The following SLMAP variants were observed in gnomAD, a reference collection of about 807,000 sequenced individuals.
SLMAP encodes sarcolemma associated protein.
SLMAP carries 44 observed loss-of-function variants against 128.8 expected under a neutral mutation model. The observed-to-expected ratio is 0.34, with a 90% CI of 0.27 to 0.44. SLMAP has a LOEUF of 0.44. Among genes scored for constraint, SLMAP ranks in the 20% least tolerant of loss-of-function variants. SLMAP has a pLI of 1.00. For synonymous variants in SLMAP, 327 were observed against 348.8 expected, an observed-to-expected ratio of 0.94 and a Z score of 0.70; for missense variants, 787 against 985.3, an observed-to-expected ratio of 0.80 and a Z score of 2.69.
chr3:57,820,310 G>A (rs560023935), intron 2 of SLMAP, among the ~76,000 whole-genome samples: 58 of 152,136 alleles, frequency 3.8e-4, no homozygotes, highest in African/African-American at 1.3e-3. Context: ...ACTTTTTGAT[G>A]TCTAAAAGAT....
At chr3:57,891,455 TATC>T (rs1280726365) in intron 15 of SLMAP, among the ~76,000 whole-genome samples, 1 of 152,226 alleles carries the variant, frequency 6.6e-6, no homozygotes, top group Non-Finnish European at 1.5e-5. Flanking sequence ...GTAATTAGAA[TATC>T]ATCACTTTAA....
At chr3:57,911,629 C>T (rs2096700741) in intron 19 of SLMAP, among the ~76,000 whole-genome samples, 1 of 151,952 alleles carries the variant, frequency 6.6e-6, no homozygotes, top group African/African-American at 2.4e-5. Context: ...ATCCCCAATA[C>T]CTGACAGCTG....
At position 57,808,321 on chromosome 3, in the gene SLMAP, G is replaced by A. The variant is rs573135481; in HGVS notation, c.199-23062G>A. Among the ~76,000 whole-genome samples, 156 of 151,880 alleles carry A rather than the reference G, an allele frequency of 1.0e-3. 1 individual carries two copies. Among genetic ancestry groups the A allele is most frequent in the Admixed American group, 3.1e-3 (47 of 15,248 alleles). On this transcript the variant is annotated intron_variant, in intron 2 of 24. Coordinates refer to ENST00000671191, the MANE Select transcript of SLMAP (RefSeq NM_001377540.1). ...CTAGCTTTTGGATTTGTTTACTCTT[G>A]CTTCTCTAGCTCTTTTAATTGTGAT... is the stretch of plus-strand genomic sequence containing the variant.
chr3:57,797,538 A>G (rs1401736339), intron 2 of SLMAP, among the ~76,000 whole-genome samples: 1 of 151,734 alleles, frequency 6.6e-6, no homozygotes, highest in African/African-American at 2.4e-5. Flanking sequence ...CGTGTAATGC[A>G]TATAAAGCAA....
chr3:57,902,430 G>A (rs1189167273), intron 17 of SLMAP, among the ~76,000 whole-genome samples: 1 of 152,192 alleles, frequency 6.6e-6, no homozygotes, highest in Non-Finnish European at 1.5e-5. Context: ...TGTTTTGTAA[G>A]ATAGAGTGAT....
At chr3:57,796,106 T>G (rs181269812) in intron 2 of SLMAP, among the ~76,000 whole-genome samples, 22 of 152,324 alleles carry the variant, frequency 1.4e-4, no homozygotes, top group African/African-American at 4.8e-4. Context: ...TAAACATGTA[T>G]TTTAACCATT....
chr3:57,825,813 T>C (rs749999883), intron 2 of SLMAP, among the ~76,000 whole-genome samples: 6 of 152,134 alleles, frequency 3.9e-5, no homozygotes, highest in Non-Finnish European at 8.8e-5. Flanking sequence ...AAGACTTATT[T>C]TGTGCTGGAG....
rs1387015857 is a variant in SLMAP at position 57,916,942 on chromosome 3, C to T, written c.2175C>T (p.Leu725=). 6.2e-7 allele frequency: 1 copy of T among 1,613,754 alleles called. No homozygotes were observed. ...AGAGTTTAGAGCTTACCAGTGATCT[C>T]AGCATCCTTCAAATGTCTAGGAAAG... is the stretch of plus-strand genomic sequence containing the variant. The part of the protein sequence containing the change: ...QKQSLELTSD[L]SILQMSRKEL... The change falls in exon 22 of 25, where the codon CTC becomes CTT. Residue 725 remains leucine (L), a synonymous_variant. Transcript: ENST00000671191.
chr3:57,890,955 T>A (rs529531730), intron 15 of SLMAP: 1 of 152,358 alleles, frequency 6.6e-6, no homozygotes, highest in South Asian at 2.1e-4. Flanking sequence ...TCTCGTGGTT[T>A]CCATTCTGAA....
At chr3:57,819,512 A>G (rs147460585) in intron 2 of SLMAP, among the ~76,000 whole-genome samples, 205 of 152,196 alleles carry the variant, frequency 1.3e-3, no homozygotes, top group African/African-American at 4.3e-3. Flanking sequence ...GCATAGTCCT[A>G]TGATTTTCCA....
chr3:57,776,517 TCTCTC>T (rs1273263287), intron 2 of SLMAP, among the ~76,000 whole-genome samples: 1 of 122,050 alleles, frequency 8.2e-6, no homozygotes. Context: ...TCTCTCTCTC[TCTCTC>T]TTTTTTTTTT....
chr3:57,775,189 G>A (rs1025307355), intron 2 of SLMAP, among the ~76,000 whole-genome samples: 1 of 151,848 alleles, frequency 6.6e-6, no homozygotes, highest in African/African-American at 2.4e-5. Context: ...GAGTAGCTGG[G>A]ACTACAGGCG....
Position 57,757,911 on chromosome 3 carries a change from C to G in SLMAP, c.198+62C>G. The G allele has an allele frequency of 9.2e-6, 13 of 1,415,130 alleles. 1 individual carries two copies. In the South Asian group the frequency reaches 1.4e-4, roughly 16 times the overall value. 87.7% of individuals were successfully genotyped at this position (1,415,130 alleles called of 1,614,324 possible). A position where few individuals can be genotyped will look rare whatever the true frequency, so the allele number is the denominator to read the frequency against. The stretch of plus-strand genomic sequence containing the variant: ...AAACTTTTTTTCCCCTTTTGCCCTC[C>G]CTGAGAGGACTAATGTATGCAGGAT... On this transcript the variant is annotated intron_variant, in intron 2 of 24. Transcript: ENST00000671191.
At chr3:57,913,717 G>C (rs1364729237) in intron 21 of SLMAP, among the ~76,000 whole-genome samples, 1 of 152,186 alleles carries the variant, frequency 6.6e-6, no homozygotes, top group Non-Finnish European at 1.5e-5. Flanking sequence ...ATCACTTTGG[G>C]AGGCTGAGGT....
chr3:57,920,279 C>T (rs1246869109), intron 22 of SLMAP, among the ~76,000 whole-genome samples: 2 of 152,182 alleles, frequency 1.3e-5, no homozygotes, highest in East Asian at 3.8e-4. Flanking sequence ...GAATTGTACT[C>T]CTTTATTTCA....
rs201463952 is a variant in SLMAP, at chr3:57,885,403, TTTG to T, written c.1301-4626_1301-4624del. Among the ~76,000 whole-genome samples, 1,019 of 139,186 alleles carry T rather than the reference TTTG, an allele frequency of 7.3e-3. 13 individuals are homozygous for T. The highest frequency in any genetic ancestry group is 0.024 in the African/African-American group (924 of 38,636). The allele number at this position is 139,186 out of a possible 152,430, so 91.3% of individuals were successfully genotyped here. On this transcript the variant is annotated intron_variant, in intron 14 of 24. Coordinates refer to ENST00000671191, the MANE Select transcript of SLMAP (RefSeq NM_001377540.1). The stretch of plus-strand genomic sequence containing the variant: ...TGTTGTTGTTGTTGTTTTGTTTTGT[TTTG>T]TTGTTGTTGTTTTTGTGTTTTTTTT...
At chr3:57,919,621 C>T (rs2096878404) in intron 22 of SLMAP, among the ~76,000 whole-genome samples, 1 of 151,640 alleles carries the variant, frequency 6.6e-6, no homozygotes, top group Non-Finnish European at 1.5e-5. Flanking sequence ...ATGGAGAAAC[C>T]CCGTCTCTAA....
At chr3:57,769,617 C>G (rs1456228854) in intron 2 of SLMAP, among the ~76,000 whole-genome samples, 1 of 152,078 alleles carries the variant, frequency 6.6e-6, no homozygotes, top group East Asian at 1.9e-4. Context: ...GCTACCGCAC[C>G]TAGGCCCAAA....
chr3:57,783,734 A>C (rs971374816), intron 2 of SLMAP, among the ~76,000 whole-genome samples: 1 of 152,200 alleles, frequency 6.6e-6, no homozygotes, highest in African/African-American at 2.4e-5. Flanking sequence ...ATCATCAAGA[A>C]AATGGGAGAA....
Sources: allele counts gnomAD v4.1 joint callset (sites outside exome capture counted in the v4.1 genomes callset), GRCh38; gene constraint gnomAD v4.1.1; transcripts MANE v1.5; gene names NCBI Gene and HGNC (gene_info 2026-07-23, HGNC 2026-07-21).